The following AKT3 variants were observed in gnomAD, a reference collection of about 807,000 sequenced individuals.
AKT3 encodes the protein RAC-gamma serine/threonine-protein kinase.
A neutral mutation model predicts 65.3 loss-of-function variants in AKT3; 15 were observed. The observed-to-expected ratio is 0.23, with a 90% CI of 0.15 to 0.35. The LOEUF (loss-of-function observed/expected upper bound fraction) is 0.35, where lower values mean the gene tolerates loss of function less well. Among genes scored for constraint, AKT3 ranks in the 10% least tolerant of loss-of-function variants. The probability of loss-of-function intolerance (pLI) is 1.00; values close to 1 mark genes in which losing one functional copy is unlikely to be tolerated. For missense variants in AKT3, 243 were observed against 576.5 expected (o/e 0.42, Z 5.92); for synonymous variants, 206 against 183.8 (o/e 1.12, Z -0.98).
intron 8 of AKT3, among the ~76,000 whole-genome samples, chr1:243,607,652 G>A (rs183295852): frequency 7.0e-4 from 107 of 152,248 alleles, no homozygotes; most frequent in Middle Eastern, 3.4e-3. Flanking sequence ...AATGAATTAA[G>A]ACTTTAAGGG....
At chr1:243,756,121 T>C (rs991896377) in intron 2 of AKT3, among the ~76,000 whole-genome samples, 2 of 152,216 alleles carry the variant, frequency 1.3e-5, no homozygotes, top group African/African-American at 4.8e-5. Flanking sequence ...TGGTGTGAGA[T>C]AGAAATTGAA....
At chr1:243,524,286 G>T (rs938079987) in intron 12 of AKT3, among the ~76,000 whole-genome samples, 2 of 152,176 alleles carry the variant, frequency 1.3e-5, no homozygotes, top group African/African-American at 4.8e-5. Context: ...TTCACAGGAG[G>T]TTCTTTGGTG....
At chr1:243,545,750 T>C in intron 11 of AKT3, 153 bp from the exon 12 acceptor site, 1 of 581,340 alleles carries the variant, frequency 1.7e-6, no homozygotes, top group South Asian at 2.5e-5. Context: ...CTATAAGATC[T>C]ATTTTTCCTA....
chr1:243,580,217 A>C (rs1675230511), intron 8 of AKT3, among the ~76,000 whole-genome samples: 1 of 152,160 alleles, frequency 6.6e-6, no homozygotes, highest in African/African-American at 2.4e-5. Flanking sequence ...AAACAGCCCC[A>C]CTGACGGCAT....
At chr1:243,510,556 G>A (rs1669951676) in intron 13 of AKT3, among the ~76,000 whole-genome samples, 1 of 152,204 alleles carries the variant, frequency 6.6e-6, no homozygotes, top group Non-Finnish European at 1.5e-5. Flanking sequence ...GGACAAGAAG[G>A]AGCCATCCAA....
chr1:243,616,307 T>TAAAAAAAAA (rs57576796), intron 6 of AKT3, among the ~76,000 whole-genome samples: 30 of 66,766 alleles, frequency 4.5e-4, no homozygotes, highest in African/African-American at 1.8e-3. Flanking sequence ...GTGCTTTTCT[T>TAAAAAAAAA]AAAAAAAAAA....
chr1:243,613,309 T>C (rs942875929), intron 8 of AKT3, among the ~76,000 whole-genome samples: 6 of 151,832 alleles, frequency 4.0e-5, no homozygotes, highest in Middle Eastern at 3.4e-3. Flanking sequence ...AAATAACTTT[T>C]GACCATGTTC....
At chr1:243,634,933 A>G (rs1679871340) in intron 6 of AKT3, among the ~76,000 whole-genome samples, 1 of 151,930 alleles carries the variant, frequency 6.6e-6, no homozygotes, top group African/African-American at 2.4e-5. Context: ...GACTTCGACA[A>G]CTCAATAAAG....
intron 9 of AKT3, among the ~76,000 whole-genome samples, chr1:243,566,982 T>C (rs1402662776): frequency 1.3e-5 from 2 of 152,204 alleles, no homozygotes; most frequent in Admixed American, 1.3e-4. Context: ...TAATTTATTT[T>C]AAGTAACAAA....
Position 243,563,851 on chromosome 1 carries a change from G to A in AKT3, c.820-3C>T, listed in dbSNP as rs2148488323. 6.2e-7 allele frequency: 1 copy of A among 1,600,922 alleles called. No homozygotes were observed. The highest frequency in any genetic ancestry group is 8.5e-7 in the Non-Finnish European group (1 of 1,176,258). ...TTGTCCAGCATTAGATTCTCCAACT[G>A]TGTATTAAGAAAAATGACATAATTT... On this transcript the variant is annotated splice_region_variant and splice_polypyrimidine_tract_variant and intron_variant, in intron 9 of 13. Transcript: ENST00000673466.
chr1:243,774,432 C>T (rs565718177), intron 2 of AKT3, among the ~76,000 whole-genome samples: 2 of 152,204 alleles, frequency 1.3e-5, no homozygotes, highest in Non-Finnish European at 1.5e-5. Flanking sequence ...AAAGGTTTGT[C>T]ACCTGATGGT....
At chr1:243,823,010 C>T (rs1450451507) in intron 2 of AKT3, among the ~76,000 whole-genome samples, 3 of 152,160 alleles carry the variant, frequency 2.0e-5, no homozygotes, top group African/African-American at 4.8e-5. Flanking sequence ...CCCTGATGAA[C>T]ATTAATGCAA....
At chr1:243,570,250 T>C (rs1489347073) in intron 9 of AKT3, among the ~76,000 whole-genome samples, 1 of 152,218 alleles carries the variant, frequency 6.6e-6, no homozygotes, top group East Asian at 1.9e-4. Flanking sequence ...GGCATAGCAA[T>C]TGGATTTGCA....
chr1:243,669,076 A>G (rs951206496), intron 3 of AKT3, among the ~76,000 whole-genome samples: 1 of 151,994 alleles, frequency 6.6e-6, no homozygotes, highest in African/African-American at 2.4e-5. Context: ...ACTAATAAAG[A>G]GCCAACCAAT....
intron 3 of AKT3, among the ~76,000 whole-genome samples, chr1:243,692,933 A>G (rs1684792551): frequency 6.6e-6 from 1 of 151,852 alleles, no homozygotes; most frequent in Non-Finnish European, 1.5e-5. Context: ...GTCACTCAAT[A>G]ATTTATTATA....
intron 2 of AKT3, among the ~76,000 whole-genome samples, chr1:243,839,248 C>A (rs896932991): frequency 1.3e-5 from 2 of 151,914 alleles, no homozygotes; most frequent in Non-Finnish European, 2.9e-5. Flanking sequence ...CAAATATTAC[C>A]ACTAGCTATA....
At chr1:243,707,167 A>G (rs980070053) in intron 2 of AKT3, among the ~76,000 whole-genome samples, 1 of 152,234 alleles carries the variant, frequency 6.6e-6, no homozygotes, top group Non-Finnish European at 1.5e-5. Context: ...AAACCAATCA[A>G]AGGAGATTTA....
At chr1:243,748,052 T>C (rs1315350434) in intron 2 of AKT3, among the ~76,000 whole-genome samples, 1 of 152,188 alleles carries the variant, frequency 6.6e-6, no homozygotes, top group Non-Finnish European at 1.5e-5. Flanking sequence ...CCCTGTCAAA[T>C]GAAGAAAAAA....
intron 2 of AKT3, among the ~76,000 whole-genome samples, chr1:243,817,753 GCAAA>G (rs776809511): frequency 2.6e-5 from 4 of 152,064 alleles, no homozygotes; most frequent in Admixed American, 6.6e-5. Flanking sequence ...AAATAAATAA[GCAAA>G]CAAACAAACA....
Sources: allele counts gnomAD v4.1 joint callset (sites outside exome capture counted in the v4.1 genomes callset), GRCh38; gene constraint gnomAD v4.1.1; transcripts MANE v1.5; gene names NCBI Gene and HGNC (gene_info 2026-07-23, HGNC 2026-07-21).